Variants in MTAP observed in about 807,000 individuals in gnomAD.
The protein encoded by MTAP is S-methyl-5'-thioadenosine phosphorylase.
Under a neutral mutation model 33.6 loss-of-function variants are expected in MTAP, and 33 were observed. That is an observed-to-expected ratio of 0.98 (90% CI 0.74 to 1.31). The LOEUF is 1.31. MTAP is among the 40% of genes most tolerant of loss of function. The pLI, the probability that MTAP is intolerant of heterozygous loss-of-function variation, is 0.00. For missense variants in MTAP, 367 were observed against 360.0 expected (o/e 1.02, Z -0.16); for synonymous variants, 148 against 125.7 (o/e 1.18, Z -1.19).
rs1587211751 is a variant in MTAP, at chr9:21,822,616, G to T, written c.347+4414G>T. Among the ~76,000 whole-genome samples the T allele has an allele frequency of 2.0e-5, 3 of 152,300 alleles. No individual in the cohort carries two copies. The East Asian group carries it at 5.8e-4, about 29-fold the overall frequency. On this transcript the variant is annotated intron_variant, in intron 4 of 7. Coordinates refer to ENST00000644715, the MANE Select transcript of MTAP (RefSeq NM_002451.4). ...AAGAATGTATATTCTGTTGATTTGG[G>T]GTGGAGAGTTCTGTAGATGTCTGTT...
intron 5 of MTAP, among the ~76,000 whole-genome samples, chr9:21,848,289 G>A (rs1233077487): frequency 6.6e-6 from 1 of 152,152 alleles, no homozygotes; most frequent in African/African-American, 2.4e-5. Context: ...ATGAGGTGGT[G>A]TGCTACACTC....
intron 5 of MTAP, among the ~76,000 whole-genome samples, chr9:21,840,872 G>A (rs1054945874): frequency 6.6e-6 from 1 of 152,184 alleles, no homozygotes; most frequent in Non-Finnish European, 1.5e-5. Flanking sequence ...TCCCAGTGGG[G>A]TAGCTCACAG....
At chr9:21,901,747 G>A (rs746535225) in intron 1 of MTAP, among the ~76,000 whole-genome samples, 5 of 152,118 alleles carry the variant, frequency 3.3e-5, no homozygotes, top group Non-Finnish European at 5.9e-5. Flanking sequence ...GAACCCACAT[G>A]GGCCTGGAGA....
intron 4 of MTAP, among the ~76,000 whole-genome samples, chr9:21,819,345 G>A (rs1824570507): frequency 1.3e-5 from 2 of 152,204 alleles, no homozygotes; most frequent in South Asian, 4.1e-4. Context: ...CTATGTCCAA[G>A]TGTTCTCATT....
At chr9:21,824,691 C>T (rs1042950949) in intron 4 of MTAP, among the ~76,000 whole-genome samples, 4 of 152,186 alleles carry the variant, frequency 2.6e-5, no homozygotes, top group African/African-American at 9.7e-5. Flanking sequence ...TATGCCCTGC[C>T]CCCAGAGTTG....
At chr9:21,820,822 C>T (rs1259757591) in intron 4 of MTAP, among the ~76,000 whole-genome samples, 1 of 152,118 alleles carries the variant, frequency 6.6e-6, no homozygotes, top group African/African-American at 2.4e-5. Flanking sequence ...TTGTAGTTCT[C>T]CTTGAAGAGG....
chr9:21,914,549 C>T (rs993925209), intron 1 of MTAP, among the ~76,000 whole-genome samples: 36 of 148,016 alleles, frequency 2.4e-4, no homozygotes, highest in Non-Finnish European at 3.7e-4. Context: ...CCAAACACCG[C>T]GTGTTCTCAC....
intron 1 of MTAP, chr9:21,893,615 G>C (rs904409473): frequency 6.6e-6 from 1 of 151,986 alleles, no homozygotes; most frequent in Non-Finnish European, 1.5e-5. Flanking sequence ...AAGACTAAAT[G>C]AACACTTCTG....
rs143144209 is a variant in MTAP at position 21,927,832 on chromosome 9, G to A, written c.148-3176G>A. 2.9e-3 allele frequency among the ~76,000 whole-genome samples: 442 copies of A among 152,240 alleles called. 3 individuals are homozygous for A. Among genetic ancestry groups the A allele is most frequent in the African/African-American group, 0.01 (425 of 41,546 alleles). On this transcript the variant is annotated intron_variant, in intron 1 of 1. Coordinates refer to the MTAP transcript ENST00000577563. ...CCTTCCTGGTGCTTCACACCCACAT[G>A]GCTAACCAGAAGGAAGGGGGATACC...
At chr9:21,925,025 A>G (rs1818847063) in intron 1 of MTAP, among the ~76,000 whole-genome samples, 1 of 152,224 alleles carries the variant, frequency 6.6e-6, no homozygotes, top group South Asian at 2.1e-4. Flanking sequence ...AATGCAATAC[A>G]CATGACTGAC....
At position 21,922,229 on chromosome 9, in the gene MTAP, A is replaced by G. The variant is rs571640824; in HGVS notation, c.148-8779A>G. ...CTCAAGTGAGCATGCACACAACTTC[A>G]GTAAATACACTGTGCATGTGGCCGC... On this transcript the variant is annotated intron_variant, in intron 1 of 1. Transcript: ENST00000577563. This position sits in a 1 kb window ranked among gnomAD's most constrained non-coding sequence, Gnocchi z 4.8. 1.8e-3 allele frequency among the ~76,000 whole-genome samples: 276 copies of G among 152,076 alleles called. No individual in the cohort carries two copies. Among genetic ancestry groups the G allele is most frequent in the Non-Finnish European group, 3.2e-3 (219 of 67,996 alleles).
chr9:21,844,763 G>A (rs552602901), intron 5 of MTAP, among the ~76,000 whole-genome samples: 4 of 152,134 alleles, frequency 2.6e-5, no homozygotes, highest in Admixed American at 1.3e-4. Flanking sequence ...GGCTGGGCAC[G>A]GTGGCTCACA....
chr9:21,836,821 C>A (rs1446623686), intron 4 of MTAP, among the ~76,000 whole-genome samples: 1 of 152,108 alleles, frequency 6.6e-6, no homozygotes, highest in Non-Finnish European at 1.5e-5. Flanking sequence ...CCAGCTAATG[C>A]CACTGTTTAG....
In MTAP at chr9:21,854,671, A is replaced by G; in HGVS notation, c.491A>G (p.His164Arg). The G allele has an allele frequency of 6.2e-7, 1 of 1,610,834 alleles. No homozygotes were observed. Among genetic ancestry groups the G allele is most frequent in the Non-Finnish European group, 8.5e-7 (1 of 1,177,842 alleles). ...ETAKKLGLRC[H>R]SKGTMVTIEG... ...GCTAAGAAGCTAGGACTCCGGTGCC[A>G]CTCAAAGGGGACAATGGTCACAATC... The change falls in exon 6 of 8, where the codon CAC becomes CGC. Residue 164 changes from histidine to arginine, a missense_variant. Transcript: ENST00000644715.
chr9:21,931,027 T>C (rs371711818), exon 2 of MTAP: 3 of 763,832 alleles, frequency 3.9e-6, no homozygotes, highest in African/African-American at 3.4e-5. Flanking sequence ...TTCCAGATGA[T>C]CCTCAGTGAG....
At chr9:21,848,485 G>T (rs903696039) in intron 5 of MTAP, among the ~76,000 whole-genome samples, 4 of 152,080 alleles carry the variant, frequency 2.6e-5, no homozygotes, top group Non-Finnish European at 5.9e-5. Context: ...AGTTAAAAAA[G>T]GTTCTAATTA....
chr9:21,813,177 G>C (rs1236634185), intron 1 of MTAP, among the ~76,000 whole-genome samples: 6 of 152,232 alleles, frequency 3.9e-5, no homozygotes, highest in Non-Finnish European at 8.8e-5. Flanking sequence ...GGCGACATTG[G>C]CCACATCTTG....
intron 4 of MTAP, among the ~76,000 whole-genome samples, chr9:21,828,733 ATTGATTACTTAT>A: frequency 6.6e-6 from 1 of 152,306 alleles, no homozygotes; most frequent in Non-Finnish European, 1.5e-5. Flanking sequence ...CAATTTTTAC[ATTGATTACTTAT>A]TTGGGGTGAT....
chr9:21,863,068 G>A lies in MTAP; in HGVS notation c.*1054G>A. ...CTAAAGAAGAGGATCATTGATTTCT[G>A]TACAGTCAGAACAGTACTTGGGTTT... On this transcript the variant is annotated 3_prime_UTR_variant, in exon 8 of 8. Transcript: ENST00000644715. The A allele has an allele frequency of 2.0e-6, 2 of 985,344 alleles. No homozygotes were observed. Among genetic ancestry groups the A allele is most frequent in the Non-Finnish European group, 2.4e-6 (2 of 829,876 alleles). The allele number at this position is 985,344 out of a possible 1,614,324, so 61.0% of individuals were successfully genotyped here.
Sources: gnomAD v4.1 joint callset for allele counts (sites outside exome capture counted in the v4.1 genomes callset) on GRCh38, gnomAD v4.1.1 for gene constraint, Gnocchi (gnomAD v3.1) non-coding constraint, MANE v1.5 for transcripts, NCBI Gene and HGNC (gene_info 2026-07-23, HGNC 2026-07-21) for gene names.